Variants in GAB4 observed in about 807,000 individuals in gnomAD.
GAB4 encodes GRB2 associated binding protein family member 4, also known as GRB2-associated-binding protein 4.
Under a neutral mutation model 51.3 loss-of-function variants are expected in GAB4, and 26 were observed. That is an observed-to-expected ratio of 0.51 (90% CI 0.37 to 0.70). GAB4 has a LOEUF of 0.70. GAB4 is among the 30% of genes least tolerant of loss of function. GAB4 has a pLI of 0.00. For synonymous variants in GAB4, 329 were observed against 291.2 expected, an observed-to-expected ratio of 1.13 and a Z score of -1.32; for missense variants, 759 against 734.6, an observed-to-expected ratio of 1.03 and a Z score of -0.38.
chr22:16,992,141 G>A lies in GAB4; in HGVS notation c.210C>T (p.Gly70=), dbSNP rs770449619. The A allele has an allele frequency of 2.9e-5, 46 of 1,613,252 alleles. No homozygotes were observed. In the Admixed American group the frequency reaches 7.7e-4, roughly 27 times the overall value. Residue 70 remains glycine (G), a synonymous_variant, in exon 2 of 10, where the codon GGC becomes GGT. Transcript: ENST00000400588. The part of the protein sequence containing the change: ...WRKRWFILRR[G]QTSSDPDVLE... Reference sequence around the variant, plus strand: ...GAACATCTGGGTCACTGCTAGTCTGGCCCCTCCGCAGGATAAACCAGCGTT... The same window carrying A: ...GAACATCTGGGTCACTGCTAGTCTGACCCCTCCGCAGGATAAACCAGCGTT...
chr22:16,968,324 T>C lies in GAB4; in HGVS notation c.997A>G (p.Met333Val), dbSNP rs746117836. 6 of 1,613,818 alleles carry C rather than the reference T, an allele frequency of 3.7e-6. No homozygotes were observed. The highest frequency in any genetic ancestry group is 5.1e-6 in the Non-Finnish European group (6 of 1,179,858). The change falls in exon 5 of 10, where the codon ATG becomes GTG. Residue 333 changes from methionine (M) to valine (V), a missense_variant. This residue lies in a region of GAB4 where 588 missense variants were observed against 510.2 expected (regional missense o/e 1.15). Coordinates refer to ENST00000400588, the MANE Select transcript of GAB4 (RefSeq NM_001037814.1). The stretch of plus-strand genomic sequence containing the variant: ...AGGAAAGAACAGACTCCCTCATGCA[T>C]GGACTCAGCAGGCCGGCTGGCATTC... ...GGNASRPAES[M>V]HEGVCSFLPG...
chr22:16,964,601 T>G (rs1433360100), intron 8 of GAB4, among the ~76,000 whole-genome samples, 165 bp downstream of exon 8: 5 of 152,110 alleles, frequency 3.3e-5, no homozygotes, highest in Non-Finnish European at 7.4e-5. Context: ...ACCCTAATGA[T>G]TGCCTGATAC....
In GAB4 at chr22:17,002,747, A is replaced by G. The variant is rs186558388; in HGVS notation, c.174+5194T>C. ...TGTTAAATGACGAGTTAATGGGTGC[A>G]GCACACCAACATGGCACACGTATAC... is the stretch of plus-strand genomic sequence containing the variant. On this transcript the variant is annotated intron_variant, in intron 1 of 9. Transcript: ENST00000400588. Among the ~76,000 whole-genome samples the G allele has an allele frequency of 1.1e-3, 172 of 152,314 alleles. 1 individual carries two copies. Among genetic ancestry groups the G allele is most frequent in the African/African-American group, 3.5e-3 (144 of 41,562 alleles).
chr22:17,004,059 A>G (rs1166599741), intron 1 of GAB4, among the ~76,000 whole-genome samples: 1 of 152,216 alleles, frequency 6.6e-6, no homozygotes, highest in Non-Finnish European at 1.5e-5. Flanking sequence ...ATGCAAATAA[A>G]CTAGGAAATT....
At chr22:16,969,408 AG>A (rs2060710675) in intron 4 of GAB4, among the ~76,000 whole-genome samples, 1 of 152,258 alleles carries the variant, frequency 6.6e-6, no homozygotes, top group Admixed American at 6.5e-5. Flanking sequence ...CAAGTCTGCC[AG>A]TCTTGCCACT....
chr22:16,981,759 C>T (rs2060829123), intron 3 of GAB4, among the ~76,000 whole-genome samples: 1 of 152,104 alleles, frequency 6.6e-6, no homozygotes, highest in Admixed American at 6.6e-5. Flanking sequence ...CTTCTAAACT[C>T]ATCCTATGAA....
chr22:16,986,622 G>C (rs2060870404), intron 3 of GAB4, among the ~76,000 whole-genome samples: 2 of 152,208 alleles, frequency 1.3e-5, no homozygotes. Context: ...ACCATATCTG[G>C]CCGATGCCAA....
intron 6 of GAB4, among the ~76,000 whole-genome samples, chr22:16,965,802 G>A (rs1324642837): frequency 6.6e-6 from 1 of 152,198 alleles, no homozygotes; most frequent in Non-Finnish European, 1.5e-5. Flanking sequence ...CACAGGGTGA[G>A]GTCATGGCAG....
chr22:16,962,881 G>A lies in GAB4; in HGVS notation c.1582-5C>T, dbSNP rs371940524. 2.8e-5 allele frequency: 45 copies of A among 1,610,508 alleles called. No homozygotes were observed. Among genetic ancestry groups the A allele is most frequent in the Non-Finnish European group, 3.5e-5 (41 of 1,177,808 alleles). The stretch of plus-strand genomic sequence containing the variant: ...CGTGACAGAGCCTATGGATGGCTGA[G>A]GGACAGAGGGTGGAAGTGGGAGTGG... On this transcript the variant is annotated splice_region_variant and splice_polypyrimidine_tract_variant and intron_variant, in intron 9 of 9. Coordinates refer to ENST00000400588, the MANE Select transcript of GAB4 (RefSeq NM_001037814.1).
intron 2 of GAB4, among the ~76,000 whole-genome samples, chr22:16,988,639 T>C (rs2060888913): frequency 6.6e-6 from 1 of 152,188 alleles, no homozygotes; most frequent in Admixed American, 6.5e-5. Context: ...CAGACTCTCC[T>C]GTGGTGTTGG....
At chr22:16,962,994 G>C (rs1467052293) in intron 9 of GAB4, 118 bp from the exon 10 acceptor site, 1 of 901,126 alleles carries the variant, frequency 1.1e-6, no homozygotes, top group Non-Finnish European at 1.7e-6. Context: ...TCTGCCTCCT[G>C]CTCTCAGCAG....
intron 3 of GAB4, among the ~76,000 whole-genome samples, chr22:16,981,218 G>T (rs2060824875): frequency 6.7e-6 from 1 of 149,684 alleles, no homozygotes; most frequent in Non-Finnish European, 1.5e-5. Flanking sequence ...ACTAAATGAT[G>T]CCCCTTAAAA....
chr22:16,983,155 GC>G (rs965368636), intron 3 of GAB4, among the ~76,000 whole-genome samples: 8 of 149,700 alleles, frequency 5.3e-5, no homozygotes, highest in Non-Finnish European at 7.5e-5. Context: ...TGTAGATCAT[GC>G]GCTTGATGCA....
intron 1 of GAB4, among the ~76,000 whole-genome samples, chr22:16,996,788 T>A (rs1601286094): frequency 6.6e-6 from 1 of 151,292 alleles, no homozygotes; most frequent in East Asian, 2.0e-4. Flanking sequence ...ATTATGTGTA[T>A]CTCCTAATGA....
intron 1 of GAB4, among the ~76,000 whole-genome samples, chr22:16,997,480 T>G (rs1164094575): frequency 6.6e-6 from 1 of 152,232 alleles, no homozygotes; most frequent in African/African-American, 2.4e-5. Context: ...TGCCCACTTT[T>G]TGATGGTGTT....
At chr22:16,991,342 C>T (rs1302166582) in intron 2 of GAB4, among the ~76,000 whole-genome samples, 1 of 151,348 alleles carries the variant, frequency 6.6e-6, no homozygotes, top group East Asian at 1.9e-4. Flanking sequence ...TGCTGCTCCT[C>T]AACCTTACTG....
intron 1 of GAB4, 105 bp downstream of exon 1, chr22:17,007,836 C>T (rs1568888393): frequency 7.5e-6 from 8 of 1,072,468 alleles, no homozygotes; most frequent in Non-Finnish European, 1.1e-5. Context: ...AAGTCGCCTC[C>T]ACCCGCAGCT....
chr22:16,973,586 TTC>T (rs1369362375), intron 3 of GAB4, among the ~76,000 whole-genome samples: 1 of 152,150 alleles, frequency 6.6e-6, no homozygotes, highest in Admixed American at 6.5e-5. Flanking sequence ...CCTGGAATGC[TTC>T]TCTCTGATGC....
chr22:16,966,636 G>C, intron 5 of GAB4: 1 of 453,080 alleles, frequency 2.2e-6, no homozygotes, highest in Non-Finnish European at 4.0e-6. Context: ...AAAAGTGGAA[G>C]AGTTTTCAGT....
Sources: allele counts gnomAD v4.1 joint callset (sites outside exome capture counted in the v4.1 genomes callset), GRCh38; gene constraint gnomAD v4.1.1; regional missense constraint gnomAD v4.1.1; transcripts MANE v1.5; gene names NCBI Gene and HGNC (gene_info 2026-07-23, HGNC 2026-07-21).